Variants in RBMS1 observed in about 807,000 individuals in gnomAD.
RBMS1 encodes the protein RNA binding motif single stranded interacting protein 1.
RBMS1 carries 17 observed loss-of-function variants against 62.3 expected under a neutral mutation model. The ratio of observed to expected loss-of-function variants is 0.27; its 90% CI spans 0.19 to 0.41. RBMS1 has a LOEUF of 0.41. Ranked by LOEUF, RBMS1 falls within the 10% of genes least tolerant of loss-of-function variation. The pLI is 1.00. For missense variants in RBMS1, 334 were observed against 504.5 expected, an observed-to-expected ratio of 0.66 and a Z score of 3.24; for synonymous variants, 172 against 170.0, an observed-to-expected ratio of 1.01 and a Z score of -0.09.
intron 1 of RBMS1, among the ~76,000 whole-genome samples, chr2:160,422,083 G>A (rs908945744): frequency 6.6e-6 from 1 of 152,148 alleles, no homozygotes; most frequent in Non-Finnish European, 1.5e-5. Context: ...CTGTTCAGCT[G>A]TAAAAAGCAA....
At chr2:160,300,195 A>T (rs1689136143) in intron 6 of RBMS1, among the ~76,000 whole-genome samples, 1 of 152,144 alleles carries the variant, frequency 6.6e-6, no homozygotes, top group Non-Finnish European at 1.5e-5. Context: ...TGGAATGAAA[A>T]ACCCATGAAG....
chr2:160,307,139 A>G (rs1262850699), intron 4 of RBMS1, among the ~76,000 whole-genome samples: 2 of 152,286 alleles, frequency 1.3e-5, no homozygotes, highest in Non-Finnish European at 2.9e-5. Context: ...ATCATCCGAA[A>G]GAAATTAACA....
intron 1 of RBMS1, among the ~76,000 whole-genome samples, chr2:160,457,203 TC>T (rs1163327343): frequency 4.6e-5 from 7 of 152,232 alleles, no homozygotes; most frequent in African/African-American, 1.7e-4. Flanking sequence ...CGATCTCAGT[TC>T]ACTGCAACCT....
At chr2:160,278,834 C>A (rs1463193115) in intron 10 of RBMS1, 176 bp from the exon 11 acceptor site, 3 of 551,604 alleles carry the variant, frequency 5.4e-6, no homozygotes, top group Non-Finnish European at 9.6e-6. Context: ...CTAAATTGCT[C>A]TTCCTGAGAG....
intron 1 of RBMS1, 199 bp from the exon 2 acceptor site, chr2:160,367,590 C>T (rs1693480237): frequency 9.7e-7 from 1 of 1,026,492 alleles, no homozygotes; most frequent in South Asian, 2.2e-5. Context: ...ATAGGGTTTA[C>T]TAAGTAAAAG....
intron 1 of RBMS1, chr2:160,432,579 C>T (rs779610003): frequency 6.6e-6 from 1 of 152,226 alleles, no homozygotes. Flanking sequence ...GTGTGAAAAC[C>T]GATTTAACTC....
chr2:160,427,965 T>C (rs1682711578), intron 1 of RBMS1, among the ~76,000 whole-genome samples: 1 of 152,126 alleles, frequency 6.6e-6, no homozygotes, highest in South Asian at 2.1e-4. Context: ...TTATTTCAAA[T>C]CTGTGCAAGC....
intron 2 of RBMS1, among the ~76,000 whole-genome samples, chr2:160,334,154 T>C (rs894269043): frequency 2.0e-5 from 3 of 152,182 alleles, no homozygotes; most frequent in African/African-American, 7.2e-5. Context: ...AGATTTCCAT[T>C]TAGCTGACAC....
At chr2:160,310,661 T>C (rs1345889252) in intron 4 of RBMS1, among the ~76,000 whole-genome samples, 1 of 152,144 alleles carries the variant, frequency 6.6e-6, no homozygotes, top group African/African-American at 2.4e-5. Context: ...GAGTGCATTA[T>C]TAATAGAACG....
intron 1 of RBMS1, among the ~76,000 whole-genome samples, chr2:160,459,281 G>A (rs116555050): frequency 2.1e-3 from 313 of 152,218 alleles, no homozygotes; most frequent in African/African-American, 6.7e-3. Flanking sequence ...TCCCGAGTAC[G>A]TGACATTTAA....
intron 6 of RBMS1, among the ~76,000 whole-genome samples, chr2:160,295,078 T>G (rs1237615354): frequency 1.3e-5 from 2 of 152,116 alleles, no homozygotes. Context: ...TCACATTCTT[T>G]GTGGGTTTTC....
intron 1 of RBMS1, among the ~76,000 whole-genome samples, chr2:160,439,004 G>A (rs1683258231): frequency 6.8e-6 from 1 of 147,864 alleles, no homozygotes; most frequent in African/African-American, 2.5e-5. Flanking sequence ...GGGGCGGCTG[G>A]CCAGGCGGGG....
chr2:160,458,073 C>T (rs890578673), intron 1 of RBMS1, among the ~76,000 whole-genome samples: 15 of 152,082 alleles, frequency 9.9e-5, no homozygotes, highest in Non-Finnish European at 2.1e-4. Context: ...AAGTGATCCT[C>T]CCACCCCAGC....
At chr2:160,309,079 C>G (rs1689709755) in intron 4 of RBMS1, among the ~76,000 whole-genome samples, 1 of 152,198 alleles carries the variant, frequency 6.6e-6, no homozygotes, top group Non-Finnish European at 1.5e-5. Flanking sequence ...CTCCCACATT[C>G]CAGAGTGAGA....
At chr2:160,469,913 A>G (rs1441607150) in intron 1 of RBMS1, among the ~76,000 whole-genome samples, 1 of 152,266 alleles carries the variant, frequency 6.6e-6, no homozygotes, top group Non-Finnish European at 1.5e-5. Context: ...GAGGAATGAT[A>G]AAGAAGATTC....
At chr2:160,303,537 A>G in intron 4 of RBMS1, 50 bp from the exon 5 acceptor site, 1 of 1,547,832 alleles carries the variant, frequency 6.5e-7, no homozygotes, top group Non-Finnish European at 8.7e-7. Context: ...AAGGTGAGAT[A>G]TTTATGTTAA....
intron 2 of RBMS1, among the ~76,000 whole-genome samples, chr2:160,364,556 C>T (rs938081371): frequency 3.3e-5 from 5 of 152,192 alleles, no homozygotes; most frequent in South Asian, 2.1e-4. Context: ...CTCCCTCTTT[C>T]GAGTCTGGGT....
chr2:160,322,261 T>C (rs1220420596), intron 2 of RBMS1, among the ~76,000 whole-genome samples: 1 of 152,214 alleles, frequency 6.6e-6, no homozygotes, highest in Non-Finnish European at 1.5e-5. Flanking sequence ...TGAGTAAATT[T>C]TCATGGCAAC....
rs777184075 is a variant in RBMS1, at chr2:160,281,326, A to G, written c.939T>C (p.Ile313=). The G allele has an allele frequency of 1.2e-6, 2 of 1,608,522 alleles. No homozygotes were observed. Residue 313 remains isoleucine, a synonymous_variant, in exon 10 of 14, where the codon ATT becomes ATC. Transcript: ENST00000348849. ...ATAAAAAACTTACAGGGTGCTGTAGAATATATGGTTGAGGTTGCATCCACG... is the reference window on the plus strand; with the variant it reads ...ATAAAAAACTTACAGGGTGCTGTAGGATATATGGTTGAGGTTGCATCCACG... ...SPSWMQPQPY[I]LQHPGAVLTP...
Sources: allele counts gnomAD v4.1 joint callset (sites outside exome capture counted in the v4.1 genomes callset), GRCh38; gene constraint gnomAD v4.1.1; transcripts MANE v1.5; gene names NCBI Gene and HGNC (gene_info 2026-07-23, HGNC 2026-07-21).